Variants in IGSF10 observed in about 807,000 individuals in gnomAD.
IGSF10 encodes the protein immunoglobulin superfamily member 10, also known as calvaria mechanical force protein 608.
In IGSF10, 126 loss-of-function variants were observed where a neutral mutation model predicts 128.2. The observed-to-expected ratio is 0.98, with a 90% confidence interval of 0.85 to 1.14. The LOEUF (loss-of-function observed/expected upper bound fraction) is 1.14. Ranked by LOEUF, IGSF10 falls within the 50% of genes most tolerant of loss-of-function variation. The probability of loss-of-function intolerance (pLI) is 0.00; values close to 1 mark genes in which losing one functional copy is unlikely to be tolerated. For synonymous variants in IGSF10, 1,185 were observed against 1,146.2 expected, an observed-to-expected ratio of 1.03 and a Z score of -0.68; for missense variants, 3,295 against 3,149.8, an observed-to-expected ratio of 1.05 and a Z score of -1.10.
In IGSF10 at chr3:151,447,417, T is replaced by C. The variant is rs1250251358; in HGVS notation, c.2564A>G (p.Glu855Gly). The C allele has an allele frequency of 6.2e-7, 1 of 1,613,994 alleles. No individual in the cohort carries two copies. Among genetic ancestry groups the C allele is most frequent in the Non-Finnish European group, 8.5e-7 (1 of 1,179,968 alleles). ...AGTAGACAGTTTGAAATCTGTGGGT[T>C]CTTCAGGTGGTAGTATTTGTGAATT... is the stretch of plus-strand genomic sequence containing the variant. ...VVNSQILPPE[E>G]PTDFKLSTAI... Residue 855 changes from glutamate to glycine, a missense_variant, in exon 6 of 8, where the codon GAA becomes GGA. Coordinates refer to ENST00000282466, the MANE Select transcript of IGSF10 (RefSeq NM_178822.5).
chr3:151,601,582 G>A, the IGSF10 span, among the ~76,000 whole-genome samples: 1 of 152,130 alleles, frequency 6.6e-6, no homozygotes, highest in Admixed American at 6.5e-5. Context: ...GCTTTACTTG[G>A]GGCCTGTGTT....
chr3:151,581,564 A>G, the IGSF10 span, among the ~76,000 whole-genome samples: 17 of 152,258 alleles, frequency 1.1e-4, no homozygotes, highest in African/African-American at 4.1e-4. Flanking sequence ...AAGATTTCTG[A>G]AGCTTCCACC....
At chr3:151,611,808 C>G in the IGSF10 span, among the ~76,000 whole-genome samples, 27 of 152,076 alleles carry the variant, frequency 1.8e-4, no homozygotes, top group African/African-American at 5.8e-4. Context: ...TCTTTCCTTC[C>G]GTTTTCAAGA....
chr3:151,603,165 T>C, the IGSF10 span, among the ~76,000 whole-genome samples: 1 of 152,232 alleles, frequency 6.6e-6, no homozygotes, highest in East Asian at 1.9e-4. Context: ...TACCATTTAC[T>C]TACTCTTCTC....
chr3:151,511,058 G>T, the IGSF10 span, among the ~76,000 whole-genome samples: 1 of 152,172 alleles, frequency 6.6e-6, no homozygotes, highest in African/African-American at 2.4e-5. Flanking sequence ...TTATCCAGGA[G>T]AACTTCCCCA....
At chr3:151,520,266 G>A in the IGSF10 span, among the ~76,000 whole-genome samples, 1 of 151,762 alleles carries the variant, frequency 6.6e-6, no homozygotes, top group South Asian at 2.1e-4. Flanking sequence ...ATACTGCAGA[G>A]GTCATAACTG....
At chr3:151,457,270 T>C in intron 3 of IGSF10, 115 bp from the exon 4 acceptor site, 2 of 964,662 alleles carry the variant, frequency 2.1e-6, no homozygotes, top group Non-Finnish European at 3.0e-6. Context: ...CTGTACTCTA[T>C]TGAGACAATC....
At chr3:151,496,313 A>G in the IGSF10 span, among the ~76,000 whole-genome samples, 1 of 150,408 alleles carries the variant, frequency 6.6e-6, no homozygotes, top group Non-Finnish European at 1.5e-5. Context: ...TTGTCATTTA[A>G]CATTAGGTTT....
chr3:151,619,107 G>T, the IGSF10 span, among the ~76,000 whole-genome samples: 20 of 151,850 alleles, frequency 1.3e-4, no homozygotes, highest in South Asian at 2.3e-3. Flanking sequence ...TAAAAATAAA[G>T]ATTTTAAATT....
the IGSF10 span, among the ~76,000 whole-genome samples, chr3:151,559,968 C>T: frequency 2.0e-5 from 3 of 152,062 alleles, no homozygotes; most frequent in Non-Finnish European, 4.4e-5. Context: ...AGGCAAATGT[C>T]AGATCTGTGT....
Position 151,453,738 on chromosome 3 carries a change from GAAGTTTTCGGACTTTA to G in IGSF10, c.345_360del (p.Lys116ArgfsTer11). 6.3e-7 allele frequency: 1 copy of G among 1,585,904 alleles called. No individual in the cohort carries two copies. Among genetic ancestry groups the G allele is most frequent in the Non-Finnish European group, 8.6e-7 (1 of 1,164,200 alleles). ...CTGAGGCCATAAAAAGTATCTTTCT[GAAGTTTTCGGACTTTA>G]TTATAGCTCATTTTTAAGACCTATG... On this transcript the variant is annotated frameshift_variant, in exon 5 of 8. Coordinates refer to ENST00000282466, the MANE Select transcript of IGSF10 (RefSeq NM_178822.5). LOFTEE classifies it high-confidence loss of function.
At chr3:151,505,665 T>C in the IGSF10 span, among the ~76,000 whole-genome samples, 10 of 152,220 alleles carry the variant, frequency 6.6e-5, no homozygotes, top group Admixed American at 2.0e-4. Flanking sequence ...ACATTGCAAA[T>C]GAACAACACT....
rs1262141504 is a variant in IGSF10 at position 151,445,843 on chromosome 3, T to C, written c.4138A>G (p.Thr1380Ala). The change falls in exon 6 of 8, where the codon ACC becomes GCC. Residue 1380 changes from threonine (T) to alanine (A), a missense_variant. By Grantham distance (58) the Thr-to-Ala change is moderately conservative. Coordinates refer to ENST00000282466, the MANE Select transcript of IGSF10 (RefSeq NM_178822.5). ...GGCTTGACTGAAGTTTCGGCTGTGGTTAGAACAGGAGGTGTCATAGCAGTG... is the reference window on the plus strand; with the variant it reads ...GGCTTGACTGAAGTTTCGGCTGTGGCTAGAACAGGAGGTGTCATAGCAGTG... ...TPTAMTPPVL[T>A]TAETSVKPSV... 7.4e-6 allele frequency: 12 copies of C among 1,614,214 alleles called. No homozygotes were observed. The highest frequency in any genetic ancestry group is 1.0e-5 in the Non-Finnish European group (12 of 1,180,038).
chr3:151,466,551 G>A, the IGSF10 span, among the ~76,000 whole-genome samples: 1 of 152,080 alleles, frequency 6.6e-6, no homozygotes, highest in Non-Finnish European at 1.5e-5. Flanking sequence ...AAAAATTATG[G>A]GCCCAGCACG....
the IGSF10 span, among the ~76,000 whole-genome samples, chr3:151,558,642 T>G: frequency 3.3e-3 from 507 of 151,956 alleles, no homozygotes; most frequent in African/African-American, 0.012. Context: ...GCCTCCCGAG[T>G]AGCTGGGACT....
the IGSF10 span, among the ~76,000 whole-genome samples, chr3:151,591,220 C>A: frequency 1.3e-5 from 2 of 151,480 alleles, no homozygotes; most frequent in Non-Finnish European, 2.9e-5. Flanking sequence ...GTATTTTTTT[C>A]TATAATTTAT....
In IGSF10 at chr3:151,448,091, T is replaced by C. The variant is rs1721305938; in HGVS notation, c.1890A>G (p.Leu630=). 2 of 1,614,092 alleles carry C rather than the reference T, an allele frequency of 1.2e-6. No individual in the cohort carries two copies. Among genetic ancestry groups the C allele is most frequent in the African/African-American group, 2.7e-5 (2 of 74,928 alleles). The change falls in exon 6 of 8, where the codon TTA becomes TTG. Residue 630 remains leucine, a synonymous_variant. Transcript: ENST00000282466. ...RDKKVLNNGT[L]RILQVTPKDQ... Reference sequence around the variant, plus strand: ...CTTTCGGGGTGACCTGTAATATTCTTAATGTGCCATTGTTTAGAACTTTCT... The same window carrying C: ...CTTTCGGGGTGACCTGTAATATTCTCAATGTGCCATTGTTTAGAACTTTCT...
In IGSF10 at chr3:151,443,516, T is replaced by C. The variant is rs201180015; in HGVS notation, c.5431A>G (p.Ser1811Gly). Residue 1811 changes from serine to glycine, a missense_variant, in exon 7 of 8, where the codon AGT becomes GGT. Ser to Gly is a moderately conservative substitution (Grantham distance 56, BLOSUM62 0). Coordinates refer to ENST00000282466, the MANE Select transcript of IGSF10 (RefSeq NM_178822.5). Reference sequence around the variant, plus strand: ...TTGTAAAAGCCACGGTCATAAATACTGAGATTGTGGAGGACCAATGTTCCG... The same window carrying C: ...TTGTAAAAGCCACGGTCATAAATACCGAGATTGTGGAGGACCAATGTTCCG... ...VDGTLVLHNL[S>G]IYDRGFYKCV... The C allele has an allele frequency of 5.6e-6, 9 of 1,613,858 alleles. No individual in the cohort carries two copies. The African/African-American group carries it at 1.2e-4, about 22-fold the overall frequency.
the IGSF10 span, among the ~76,000 whole-genome samples, chr3:151,606,756 A>G: frequency 6.6e-6 from 1 of 152,128 alleles, no homozygotes; most frequent in South Asian, 2.1e-4. Flanking sequence ...TGCTTTTCCA[A>G]TTGCTGGTTC....
Sources: gnomAD v4.1 joint callset for allele counts (sites outside exome capture counted in the v4.1 genomes callset) on GRCh38, gnomAD v4.1.1 for gene constraint, MANE v1.5 for transcripts, NCBI Gene and HGNC (gene_info 2026-07-23, HGNC 2026-07-21) for gene names.